Variants in MYT1L observed in about 807,000 individuals in gnomAD.
The protein encoded by MYT1L is myelin transcription factor 1-like protein.
A neutral mutation model predicts 126.7 loss-of-function variants in MYT1L; 12 were observed. The ratio of observed to expected loss-of-function variants is 0.09; its 90% CI spans 0.06 to 0.15. The LOEUF (loss-of-function observed/expected upper bound fraction) is 0.15, where lower values mean the gene tolerates loss of function less well. Among genes scored for constraint, MYT1L ranks in the 10% least tolerant of loss-of-function variants. The pLI is 1.00. For synonymous variants in MYT1L, 541 were observed against 604.2 expected (o/e 0.90, Z 1.53); for missense variants, 979 against 1,585.2 (o/e 0.62, Z 6.49).
intron 19 of MYT1L, chr2:1,842,706 C>A (rs576495713): frequency 6.5e-6 from 1 of 153,036 alleles, no homozygotes; most frequent in Non-Finnish European, 1.5e-5. Context: ...CCCCTGCACC[C>A]CACTGACCGC....
chr2:2,281,826 C>T (rs903099329), intron 2 of MYT1L, among the ~76,000 whole-genome samples: 3 of 152,120 alleles, frequency 2.0e-5, no homozygotes, highest in Non-Finnish European at 4.4e-5. Context: ...TATGCAAACC[C>T]TTGACACAAT....
At chr2:2,329,525 T>C (rs541822497) in intron 1 of MYT1L, among the ~76,000 whole-genome samples, 17 of 152,322 alleles carry the variant, frequency 1.1e-4, no homozygotes, top group Admixed American at 9.8e-4. Flanking sequence ...TCTATCAGAA[T>C]TTTATTGTTT....
intron 2 of MYT1L, among the ~76,000 whole-genome samples, chr2:2,175,294 A>G (rs933892021): frequency 6.6e-6 from 1 of 152,078 alleles, no homozygotes; most frequent in Non-Finnish European, 1.5e-5. Flanking sequence ...TCTGAGGTGC[A>G]CATATTCTTT....
chr2:2,259,394 TAA>T lies in MYT1L; in HGVS notation c.-421+25008_-421+25009del, dbSNP rs79333923. On this transcript the variant is annotated intron_variant, in intron 2 of 24. Transcript: ENST00000647738. The stretch of plus-strand genomic sequence containing the variant: ...ATGTACCCTAAAACTTAGAGTATAA[TAA>T]AAAAAAAAACATTAAAAAAAAAAAT... Among the ~76,000 whole-genome samples the T allele has an allele frequency of 1.2e-4, 13 of 110,424 alleles. 1 individual carries two copies. The highest frequency in any genetic ancestry group is 4.3e-4 in the African/African-American group (11 of 25,432). 72.4% of individuals were successfully genotyped at this position (110,424 alleles called of 152,430 possible).
chr2:2,221,404 C>G (rs1263507954), intron 2 of MYT1L, among the ~76,000 whole-genome samples: 2 of 152,054 alleles, frequency 1.3e-5, no homozygotes, highest in African/African-American at 4.8e-5. Context: ...GAAGTCTGCT[C>G]AGAGCTTGCA....
At chr2:2,263,857 G>C (rs2095054873) in intron 2 of MYT1L, among the ~76,000 whole-genome samples, 1 of 152,096 alleles carries the variant, frequency 6.6e-6, no homozygotes, top group African/African-American at 2.4e-5. Flanking sequence ...CACCCTTGCA[G>C]CAATTTTGCA....
chr2:1,803,162 A>C (rs1020546145), intron 22 of MYT1L, among the ~76,000 whole-genome samples: 11 of 152,212 alleles, frequency 7.2e-5, no homozygotes, highest in African/African-American at 2.4e-4. Context: ...AAAAAAAGTT[A>C]TACCCTCAAG....
In MYT1L at chr2:2,156,871, C is replaced by T. The variant is rs151211827; in HGVS notation, c.-304+16001G>A. The stretch of plus-strand genomic sequence containing the variant: ...GACAGCAGGATCATCGGGGAGGTCT[C>T]GAGGGAGACTGAGGAAAAATATACA... On this transcript the variant is annotated intron_variant, in intron 3 of 24. Transcript: ENST00000647738. Among the ~76,000 whole-genome samples the T allele has an allele frequency of 5.8e-3, 890 of 152,286 alleles. 4 individuals carry two copies. The highest frequency in any genetic ancestry group is 9.7e-3 in the Admixed American group (149 of 15,296).
At chr2:2,311,522 G>A (rs762219354) in intron 1 of MYT1L, among the ~76,000 whole-genome samples, 25 of 152,150 alleles carry the variant, frequency 1.6e-4, no homozygotes, top group Admixed American at 2.0e-4. Flanking sequence ...ATGAAGCACC[G>A]GAGGCTGTGA....
chr2:1,860,522 T>A (rs1186332505), intron 18 of MYT1L, among the ~76,000 whole-genome samples: 1 of 152,124 alleles, frequency 6.6e-6, no homozygotes. Context: ...GCAAGAGAGG[T>A]ACTCACCTTG....
In MYT1L at chr2:2,098,769, T is replaced by C. The variant is rs556861945; in HGVS notation, c.-303-44646A>G. ...TTGCTATGGTTGAGATATTCAGTCA[T>C]GTCAGAAGCAGCAGCCAGCAGAGAA... is the stretch of plus-strand genomic sequence containing the variant. On this transcript the variant is annotated intron_variant, in intron 3 of 24. Transcript: ENST00000647738. Among the ~76,000 whole-genome samples, 22 of 152,354 alleles carry C rather than the reference T, an allele frequency of 1.4e-4. 2 individuals are homozygous for C. The South Asian group carries it at 3.9e-3, about 27-fold the overall frequency.
chr2:2,180,143 G>T (rs956332794), intron 2 of MYT1L, among the ~76,000 whole-genome samples: 1 of 152,140 alleles, frequency 6.6e-6, no homozygotes, highest in Admixed American at 6.5e-5. Flanking sequence ...ATTACCAGGG[G>T]CCAGAGGAGA....
Position 2,017,140 on chromosome 2 carries a change from T to A in MYT1L, c.-157-19793A>T, listed in dbSNP as rs186390868. 5.8e-4 allele frequency among the ~76,000 whole-genome samples: 88 copies of A among 152,298 alleles called. 1 individual carries two copies. The highest frequency in any genetic ancestry group is 1.0e-4 in the Non-Finnish European group (7 of 68,030). On this transcript the variant is annotated intron_variant, in intron 4 of 24. Transcript: ENST00000647738. ...GTGGCTTGGGCTATTGCCGTATTCATGGACTCGTAGACTCCACACTGAGAG... is the reference window on the plus strand; with the variant it reads ...GTGGCTTGGGCTATTGCCGTATTCAAGGACTCGTAGACTCCACACTGAGAG...
intron 2 of MYT1L, among the ~76,000 whole-genome samples, chr2:2,206,633 A>G (rs1215843708): frequency 6.6e-6 from 1 of 152,242 alleles, no homozygotes; most frequent in Admixed American, 6.5e-5. Flanking sequence ...AGAAAAGAGG[A>G]GCATTTCTTA....
intron 8 of MYT1L, chr2:1,974,516 C>T (rs1280465963): frequency 6.6e-6 from 1 of 152,186 alleles, no homozygotes; most frequent in Admixed American, 6.5e-5. Flanking sequence ...AGGTGACTGG[C>T]TAATAATGAC....
chr2:1,839,057 G>A, intron 21 of MYT1L, 92 bp downstream of exon 21: 1 of 1,126,770 alleles, frequency 8.9e-7, no homozygotes, highest in Non-Finnish European at 1.3e-6. Flanking sequence ...GGTGACGGGA[G>A]AAGCTGGCAC....
chr2:1,846,840 C>T (rs1183599703), intron 19 of MYT1L, among the ~76,000 whole-genome samples: 2 of 152,206 alleles, frequency 1.3e-5, no homozygotes, highest in Non-Finnish European at 2.9e-5. Flanking sequence ...CACCACCTTA[C>T]AAGGTTCCCA....
intron 2 of MYT1L, among the ~76,000 whole-genome samples, chr2:2,266,735 G>A (rs1291554446): frequency 1.3e-5 from 2 of 152,210 alleles, no homozygotes; most frequent in East Asian, 1.9e-4. Flanking sequence ...TTGAAACATG[G>A]GGGCAGTTTC....
chr2:1,856,991 A>G (rs2043998526), intron 18 of MYT1L, among the ~76,000 whole-genome samples: 1 of 152,088 alleles, frequency 6.6e-6, no homozygotes, highest in Admixed American at 6.5e-5. Context: ...AGTGAGGACA[A>G]CCTCCCACCA....
Sources: allele counts gnomAD v4.1 joint callset (sites outside exome capture counted in the v4.1 genomes callset), GRCh38; gene constraint gnomAD v4.1.1; transcripts MANE v1.5; gene names NCBI Gene and HGNC (gene_info 2026-07-23, HGNC 2026-07-21).